The following PDZRN3 variants were observed in gnomAD, a reference collection of about 807,000 sequenced individuals.
PDZRN3 encodes PDZ domain containing ring finger 3, also known as E3 ubiquitin-protein ligase PDZRN3.
In PDZRN3, 38 loss-of-function variants were observed where a neutral mutation model predicts 85.7. That is an observed-to-expected ratio of 0.44 (90% confidence interval 0.34 to 0.58). PDZRN3 has a LOEUF of 0.58. Among genes scored for constraint, PDZRN3 ranks in the 20% least tolerant of loss-of-function variants. PDZRN3 has a pLI of 0.01. For synonymous variants in PDZRN3, 759 were observed against 638.0 expected (o/e 1.19, Z -2.86); for missense variants, 1,629 against 1,506.4 (o/e 1.08, Z -1.35).
intron 5 of PDZRN3, among the ~76,000 whole-genome samples, chr3:73,393,362 C>G (rs776716260): frequency 6.6e-6 from 1 of 152,204 alleles, no homozygotes; most frequent in African/African-American, 2.4e-5. Context: ...ACTACTACTA[C>G]TGCTACTCAA....
At chr3:73,403,705 G>T (rs1030948832) in intron 4 of PDZRN3, among the ~76,000 whole-genome samples, 1 of 152,136 alleles carries the variant, frequency 6.6e-6, no homozygotes, top group Admixed American at 6.6e-5. Flanking sequence ...GCATGTGCGG[G>T]CTTATTACAT....
At chr3:73,537,565 A>C (rs1174344777) in intron 3 of PDZRN3, among the ~76,000 whole-genome samples, 1 of 152,006 alleles carries the variant, frequency 6.6e-6, no homozygotes, top group Non-Finnish European at 1.5e-5. Flanking sequence ...GAAATTATGG[A>C]CAGTACTAGT....
chr3:73,384,759 G>A lies in PDZRN3; in HGVS notation c.1807C>T (p.Gln603Ter). 6.2e-7 allele frequency: 1 copy of A among 1,613,924 alleles called. No homozygotes were observed. The highest frequency in any genetic ancestry group is 1.3e-5 in the African/African-American group (1 of 75,062). Residue 603 changes from glutamine to a stop codon, truncating the protein, a stop_gained, in exon 10 of 10, where the codon CAG (glutamine) becomes TAG (stop). Transcript: ENST00000263666. LOFTEE classifies it high-confidence loss of function. ...ATASSNPLAG[Q>*]RKLTCSQDTL... ...TCCTGGCTGCAGGTGAGCTTCCTCT[G>A]CCCCGCCAGCGGGTTGGAGGATGCG...
chr3:73,424,487 A>G, intron 3 of PDZRN3, among the ~76,000 whole-genome samples: 1 of 148,412 alleles, frequency 6.7e-6, no homozygotes, highest in Non-Finnish European at 1.5e-5. Flanking sequence ...GCTTGCAGTA[A>G]GCTGAGATCG....
chr3:73,606,501 C>T (rs1702601079), intron 2 of PDZRN3, among the ~76,000 whole-genome samples: 1 of 152,170 alleles, frequency 6.6e-6, no homozygotes, highest in Non-Finnish European at 1.5e-5. Flanking sequence ...TAAATCAGAA[C>T]AGCACATGAT....
intron 3 of PDZRN3, among the ~76,000 whole-genome samples, chr3:73,583,705 C>T (rs1325958633): frequency 6.6e-6 from 1 of 152,166 alleles, no homozygotes; most frequent in East Asian, 1.9e-4. Flanking sequence ...CAGTACCTCA[C>T]ACAATCTGTC....
At chr3:73,498,883 C>G (rs115774921) in intron 3 of PDZRN3, among the ~76,000 whole-genome samples, 1 of 152,008 alleles carries the variant, frequency 6.6e-6, no homozygotes, top group Non-Finnish European at 1.5e-5. Context: ...GTGCCTGGCC[C>G]GTATGTTAAC....
Position 73,384,348 on chromosome 3 carries a change from G to T in PDZRN3, c.2218C>A (p.Leu740Ile). 2 of 1,610,082 alleles carry T rather than the reference G, an allele frequency of 1.2e-6. No individual in the cohort carries two copies. Among genetic ancestry groups the T allele is most frequent in the Non-Finnish European group, 8.5e-7 (1 of 1,179,972 alleles). ...TCCGGGAGCTCGGTGATATCTGAGA[G>T]CTCGTGTCTGCGCACGTCGATGCTG... ...NTSIDVRRHE[L>I]SDITELPEKS... Residue 740 changes from leucine (L) to isoleucine (I), a missense_variant, in exon 10 of 10, where the codon CTC becomes ATC. Physicochemically the swap from Leu to Ile is conservative, Grantham distance 5. Transcript: ENST00000263666.
chr3:73,505,318 T>G (rs1027388011), intron 3 of PDZRN3, among the ~76,000 whole-genome samples: 13 of 152,194 alleles, frequency 8.5e-5, no homozygotes, highest in African/African-American at 3.1e-4. Flanking sequence ...TGCTTCAGGA[T>G]TCAAGGCACA....
At chr3:73,448,480 G>T (rs1053991791) in intron 3 of PDZRN3, among the ~76,000 whole-genome samples, 4 of 152,158 alleles carry the variant, frequency 2.6e-5, no homozygotes, top group African/African-American at 9.7e-5. Context: ...CTTTAGATGT[G>T]CCACAGCAGC....
intron 5 of PDZRN3, among the ~76,000 whole-genome samples, chr3:73,400,068 A>G (rs1701718660): frequency 6.6e-6 from 1 of 152,218 alleles, no homozygotes; most frequent in Non-Finnish European, 1.5e-5. Context: ...ACAGTTAGCC[A>G]TGAAATTGGA....
chr3:73,486,031 C>A (rs572054701), intron 3 of PDZRN3, among the ~76,000 whole-genome samples: 1 of 152,198 alleles, frequency 6.6e-6, no homozygotes, highest in African/African-American at 2.4e-5. Flanking sequence ...GCATGGAATG[C>A]GGCTGAGCAG....
At chr3:73,459,144 G>A (rs1703050759) in intron 3 of PDZRN3, among the ~76,000 whole-genome samples, 1 of 152,108 alleles carries the variant, frequency 6.6e-6, no homozygotes, top group African/African-American at 2.4e-5. Flanking sequence ...GCCAGCAAGG[G>A]AAAATGCCAG....
chr3:73,416,874 TG>T (rs1559667633), intron 3 of PDZRN3, among the ~76,000 whole-genome samples: 740 of 69,324 alleles, frequency 0.011, 15 homozygotes, highest in African/African-American at 0.04. Flanking sequence ...TGTTTTTTTT[TG>T]GTTTTTTTTT....
chr3:73,474,647 G>A, intron 3 of PDZRN3: 1 of 1,175,224 alleles, frequency 8.5e-7, no homozygotes, highest in Admixed American at 3.1e-5. Context: ...TTGTGGCAAG[G>A]GTGTACACTT....
intron 3 of PDZRN3, among the ~76,000 whole-genome samples, chr3:73,443,922 C>T (rs1374612495): frequency 6.6e-6 from 1 of 152,132 alleles, no homozygotes; most frequent in Admixed American, 6.5e-5. Context: ...AAAATAATCA[C>T]ATCAATTTCA....
chr3:73,445,911 A>G (rs973010976), intron 3 of PDZRN3, among the ~76,000 whole-genome samples: 8 of 152,242 alleles, frequency 5.3e-5, no homozygotes, highest in Non-Finnish European at 7.3e-5. Flanking sequence ...CTGATAGGAT[A>G]TATCTGATAT....
chr3:73,553,483 G>A (rs962488784), intron 3 of PDZRN3, among the ~76,000 whole-genome samples: 6 of 152,030 alleles, frequency 3.9e-5, no homozygotes, highest in African/African-American at 1.4e-4. Context: ...GGCTGAGGCA[G>A]GAGAATCGCT....
intron 3 of PDZRN3, among the ~76,000 whole-genome samples, chr3:73,507,157 G>A (rs894951495): frequency 1.6e-5 from 2 of 127,542 alleles, no homozygotes; most frequent in African/African-American, 6.1e-5. Flanking sequence ...ACACATATAA[G>A]CATAGATTTC....
Sources: allele counts gnomAD v4.1 joint callset (sites outside exome capture counted in the v4.1 genomes callset), GRCh38; gene constraint gnomAD v4.1.1; transcripts MANE v1.5; gene names NCBI Gene and HGNC (gene_info 2026-07-23, HGNC 2026-07-21).